The following PNPLA7 variants were observed in gnomAD, a reference collection of about 807,000 sequenced individuals.
PNPLA7 encodes the protein patatin like domain 7, lysophospholipase.
A neutral mutation model predicts 161.7 loss-of-function variants in PNPLA7; 153 were observed. The observed-to-expected ratio is 0.95, with a 90% CI of 0.83 to 1.08. The LOEUF (loss-of-function observed/expected upper bound fraction) is 1.08. Among genes scored for constraint, PNPLA7 ranks in the 50% least tolerant of loss-of-function variants. The pLI, the probability that PNPLA7 is intolerant of heterozygous loss-of-function variation, is 0.00. For missense variants in PNPLA7, 1,739 were observed against 1,856.6 expected, an observed-to-expected ratio of 0.94 and a Z score of 1.16; for synonymous variants, 809 against 782.1, an observed-to-expected ratio of 1.03 and a Z score of -0.57.
At chr9:137,493,335 G>C (rs1832873672) in intron 19 of PNPLA7, among the ~76,000 whole-genome samples, 1 of 152,204 alleles carries the variant, frequency 6.6e-6, no homozygotes, top group Admixed American at 6.5e-5. Flanking sequence ...CAGGTACAAG[G>C]GGTATGTCCT....
At position 137,476,419 on chromosome 9, in the gene PNPLA7, G is replaced by A. The variant is rs750030646; in HGVS notation, c.2882+1615C>T. ...ACACTGGGATTGAGTGGAAAGGAGG[G>A]AGACAGATGCATAGATGAGTGATTA... On this transcript the variant is annotated intron_variant, in intron 25 of 34. Transcript: ENST00000406427. The surrounding 1 kb of genome is among the most constrained non-coding windows in gnomAD (Gnocchi z 4.5). 6.6e-6 allele frequency among the ~76,000 whole-genome samples: 1 copy of A among 152,116 alleles called. No homozygotes were observed. Among genetic ancestry groups the A allele is most frequent in the Non-Finnish European group, 1.5e-5 (1 of 68,024 alleles).
chr9:137,544,822 G>T (rs1836402099), intron 4 of PNPLA7, among the ~76,000 whole-genome samples: 1 of 152,034 alleles, frequency 6.6e-6, no homozygotes, highest in Admixed American at 6.6e-5. Context: ...GCTAATTTTT[G>T]TATTTTTAGT....
chr9:137,493,246 G>A (rs1286578161), intron 19 of PNPLA7, among the ~76,000 whole-genome samples, 164 bp from the exon 20 acceptor site: 1 of 152,230 alleles, frequency 6.6e-6, no homozygotes, highest in African/African-American at 2.4e-5. Context: ...GCCACGTGCT[G>A]GGCCATGGCT....
chr9:137,506,003 C>G lies in PNPLA7; in HGVS notation c.1306G>C (p.Gly436Arg), dbSNP rs142196268. ...CCTACCTTGCTGGCCACGGAGCTCC[C>G]GGGGTGCTCGTCCGAGTGCAGGAAG... Reference protein sequence around the residue: ...RVFLHSDEHPGSSVASKSRKS... With the variant: ...RVFLHSDEHPRSSVASKSRKS... Residue 436 changes from glycine (G) to arginine (R), a missense_variant, in exon 13 of 35, where the codon GGG (glycine) becomes CGG (arginine). Gly to Arg is a moderately radical substitution (Grantham distance 125). Transcript: ENST00000406427. 13 of 1,611,896 alleles carry G rather than the reference C, an allele frequency of 8.1e-6. No homozygotes were observed. Among genetic ancestry groups the G allele is most frequent in the Non-Finnish European group, 1.1e-5 (13 of 1,179,464 alleles).
intron 15 of PNPLA7, among the ~76,000 whole-genome samples, chr9:137,501,378 C>T (rs79717265): frequency 0.012 from 1,762 of 152,342 alleles, 40 homozygotes; most frequent in African/African-American, 0.04. Context: ...TCCACTGTGA[C>T]CTCTTATGAC....
intron 32 of PNPLA7, 62 bp downstream of exon 32, chr9:137,461,869 C>T (rs1035128631): frequency 6.8e-7 from 1 of 1,462,836 alleles, no homozygotes; most frequent in Non-Finnish European, 9.1e-7. Flanking sequence ...TGGGCGTGGG[C>T]GTGGCCCGAA....
intron 8 of PNPLA7, among the ~76,000 whole-genome samples, chr9:137,531,258 C>T (rs947680558): frequency 6.6e-6 from 1 of 152,138 alleles, no homozygotes; most frequent in African/African-American, 2.4e-5. Context: ...CAAGTCTCAT[C>T]TCCACTCTGG....
rs1030910942 is a variant in PNPLA7, at chr9:137,505,187, C to CAAAAA, written c.1473+422_1473+426dup. Reference sequence around the variant, plus strand: ...TGGGCGATACTGCGAGACTCTGTCTCAAAAAAAAAAAAAAAAAAAAAAGCT... The same window carrying CAAAAA: ...TGGGCGATACTGCGAGACTCTGTCTCAAAAAAAAAAAAAAAAAAAAAAAAAAAGCT... On this transcript the variant is annotated intron_variant, in intron 14 of 34. Coordinates refer to ENST00000406427, the MANE Select transcript of PNPLA7 (RefSeq NM_001098537.3). Among the ~76,000 whole-genome samples, 231 of 56,842 alleles carry CAAAAA rather than the reference C, an allele frequency of 4.1e-3. 7 individuals are homozygous for CAAAAA. Among genetic ancestry groups the CAAAAA allele is most frequent in the Admixed American group, 5.8e-3 (21 of 3,650 alleles). The allele number at this position is 56,842 out of a possible 152,430, so 37.3% of individuals were successfully genotyped here.
At chr9:137,503,289 G>A (rs901742760) in intron 14 of PNPLA7, among the ~76,000 whole-genome samples, 2 of 152,072 alleles carry the variant, frequency 1.3e-5, no homozygotes, top group African/African-American at 2.4e-5. Flanking sequence ...GCTGAGGTGG[G>A]AGGATCACTT....
intron 21 of PNPLA7, 88 bp from the exon 22 acceptor site, chr9:137,481,111 G>A (rs535796186): frequency 2.4e-5 from 34 of 1,399,238 alleles, no homozygotes; most frequent in Admixed American, 4.0e-5. Flanking sequence ...AGGTACCGAC[G>A]CCGAGCCAGG....
rs934707008 is a variant in PNPLA7 at position 137,461,992 on chromosome 9, C to G, written c.3695G>C (p.Ser1232Thr). Reference sequence around the variant, plus strand: ...GCGGAGCATCTTCTCCAGCACGCCGCTGCGGCCCCAGATGTCAAACACCGT... The same window carrying G: ...GCGGAGCATCTTCTCCAGCACGCCGGTGCGGCCCCAGATGTCAAACACCGT... ...GRTVFDIWGR[S>T]GVLEKMLRDQ... is the part of the protein sequence containing the mutation. The change falls in exon 32 of 35, where the codon AGC (serine) becomes ACC (threonine). Residue 1232 changes from serine (S) to threonine (T), a missense_variant. Physicochemically the swap from Ser to Thr is moderately conservative, Grantham distance 58. This residue lies in a region of PNPLA7 where 703 missense variants were observed against 694.6 expected (regional missense o/e 1.01). Coordinates refer to ENST00000406427, the MANE Select transcript of PNPLA7 (RefSeq NM_001098537.3). 5.0e-6 allele frequency: 8 copies of G among 1,603,148 alleles called. No homozygotes were observed. The highest frequency in any genetic ancestry group is 5.1e-6 in the Non-Finnish European group (6 of 1,177,254).
rs747158112 is a variant in PNPLA7 at position 137,463,432 on chromosome 9, T to C, written c.3326A>G (p.Tyr1109Cys). The C allele has an allele frequency of 1.0e-5, 16 of 1,602,646 alleles. No individual in the cohort carries two copies. In the Admixed American group the frequency reaches 2.7e-4, roughly 27 times the overall value. Residue 1109 changes from tyrosine to cysteine, a missense_variant, in exon 29 of 35, where the codon TAC becomes TGC. By Grantham distance (194) the Tyr-to-Cys change is radical (BLOSUM62 -2). Coordinates refer to ENST00000406427, the MANE Select transcript of PNPLA7 (RefSeq NM_001098537.3). The stretch of plus-strand genomic sequence containing the variant: ...CGCAGTACCTGGGAGGTTGTTGATG[T>C]AGCCCCCGTCCATCAGCAGGTGTCC... ...KDGHLLMDGG[Y>C]INNLPADVAR...
At chr9:137,461,052 G>A (rs1831164075) in intron 33 of PNPLA7, 1 of 395,718 alleles carries the variant, frequency 2.5e-6, no homozygotes, top group Non-Finnish European at 4.7e-6. Flanking sequence ...GATAGGGGCT[G>A]CCTTGCCCAG....
At position 137,500,593 on chromosome 9, in the gene PNPLA7, G is replaced by A; in HGVS notation, c.1757+98C>T. ...AGAGGGGAGCCCGAGAAGCAGGGAAGAGGGTGAGAGCACCAGGAAGAGGCC... is the reference window on the plus strand; with the variant it reads ...AGAGGGGAGCCCGAGAAGCAGGGAAAAGGGTGAGAGCACCAGGAAGAGGCC... On this transcript the variant is annotated intron_variant, in intron 16 of 34. Coordinates refer to ENST00000406427, the MANE Select transcript of PNPLA7 (RefSeq NM_001098537.3). The surrounding 1 kb of genome is among the most constrained non-coding windows in gnomAD (Gnocchi z 5.5). 8.9e-7 allele frequency: 1 copy of A among 1,126,152 alleles called. No homozygotes were observed. Among genetic ancestry groups the A allele is most frequent in the East Asian group, 2.4e-5 (1 of 40,850 alleles). 69.8% of individuals were successfully genotyped at this position (1,126,152 alleles called of 1,614,324 possible). A position where few individuals can be genotyped will look rare whatever the true frequency, so the allele number is the denominator to read the frequency against.
At chr9:137,514,910 C>A (rs1316341902) in intron 12 of PNPLA7, among the ~76,000 whole-genome samples, 1 of 151,858 alleles carries the variant, frequency 6.6e-6, no homozygotes, top group Non-Finnish European at 1.5e-5. Flanking sequence ...TGTGCCCGGG[C>A]CCTGTGGCTG....
At chr9:137,483,481 G>A (rs986369174) in intron 21 of PNPLA7, among the ~76,000 whole-genome samples, 2 of 152,256 alleles carry the variant, frequency 1.3e-5, no homozygotes, top group Non-Finnish European at 2.9e-5. Context: ...TTGAGATAGA[G>A]TCTTGCTCTG....
At position 137,500,170 on chromosome 9, in the gene PNPLA7, C is replaced by T. The variant is rs945614071; in HGVS notation, c.1757+521G>A. 6.6e-6 allele frequency among the ~76,000 whole-genome samples: 1 copy of T among 152,230 alleles called. No individual in the cohort carries two copies. Among genetic ancestry groups the T allele is most frequent in the African/African-American group, 2.4e-5 (1 of 41,458 alleles). ...GTCTTCCAGCCCGGAGCCTGGAAGG[C>T]GACACGGGCACATTCTGCCCCAAGA... On this transcript the variant is annotated intron_variant, in intron 16 of 34. Transcript: ENST00000406427. The surrounding 1 kb of genome is among the most constrained non-coding windows in gnomAD (Gnocchi z 5.5).
intron 12 of PNPLA7, among the ~76,000 whole-genome samples, chr9:137,507,273 G>C (rs992494616): frequency 6.6e-6 from 1 of 152,232 alleles, no homozygotes; most frequent in African/African-American, 2.4e-5. Context: ...CTTCCTCTGG[G>C]GCTGACCCTC....
In PNPLA7 at chr9:137,479,136, T is replaced by C; in HGVS notation, c.2683A>G (p.Asn895Asp). ...PAPARTVEWL[N>D]MRSWCSGHLH... Reference sequence around the variant, plus strand: ...TGGCCGGAGCACCAGCTCCGCATGTTGAGCCACTCCACGGTGCGCGCTGGC... The same window carrying C: ...TGGCCGGAGCACCAGCTCCGCATGTCGAGCCACTCCACGGTGCGCGCTGGC... Residue 895 changes from asparagine to aspartate, a missense_variant, in exon 24 of 35, where the codon AAC (asparagine) becomes GAC (aspartate). By Grantham distance (23) the Asn-to-Asp change is conservative (BLOSUM62 1). This residue lies in a region of PNPLA7 where 703 missense variants were observed against 694.6 expected (regional missense o/e 1.01). Transcript: ENST00000406427. The C allele has an allele frequency of 6.3e-7, 1 of 1,594,848 alleles. No homozygotes were observed. The highest frequency in any genetic ancestry group is 1.1e-5 in the South Asian group (1 of 87,934).
Sources: allele counts gnomAD v4.1 joint callset (sites outside exome capture counted in the v4.1 genomes callset), GRCh38; gene constraint gnomAD v4.1.1; regional missense constraint gnomAD v4.1.1; non-coding constraint Gnocchi (gnomAD v3.1); transcripts MANE v1.5; gene names NCBI Gene and HGNC (gene_info 2026-07-23, HGNC 2026-07-21).